The following SOAT1 variants were observed in gnomAD, a reference collection of about 807,000 sequenced individuals.
SOAT1 encodes acyl-coenzyme A:cholesterol acyltransferase 1.
Under a neutral mutation model 69.5 loss-of-function variants are expected in SOAT1, and 55 were observed. The ratio of observed to expected loss-of-function variants is 0.79; its 90% CI spans 0.64 to 0.99. The LOEUF is 0.99. Among genes scored for constraint, SOAT1 ranks in the 50% least tolerant of loss-of-function variants. SOAT1 has a pLI of 0.00. For synonymous variants in SOAT1, 231 were observed against 224.7 expected, an observed-to-expected ratio of 1.03 and a Z score of -0.25; for missense variants, 580 against 669.3, an observed-to-expected ratio of 0.87 and a Z score of 1.47.
rs1208621864 is a variant in SOAT1, at chr1:179,342,195, A to G, written c.859+3A>G. The G allele has an allele frequency of 1.2e-6, 2 of 1,608,512 alleles. No homozygotes were observed. Among genetic ancestry groups the G allele is most frequent in the South Asian group, 1.1e-5 (1 of 90,716 alleles). ...AAATTCAGCTAAGGAGAAATCAAGTATGTAATTTCTTTTGTTCATTATTTC... is the reference window on the plus strand; with the variant it reads ...AAATTCAGCTAAGGAGAAATCAAGTGTGTAATTTCTTTTGTTCATTATTTC... On this transcript the variant is annotated splice_donor_region_variant and intron_variant, in intron 8 of 15. Transcript: ENST00000367619.
rs1177159973 is a variant in SOAT1 at position 179,351,298 on chromosome 1, G to T, written c.1451-19G>T. 2 of 1,612,082 alleles carry T rather than the reference G, an allele frequency of 1.2e-6. No homozygotes were observed. On this transcript the variant is annotated intron_variant, in intron 14 of 15. Coordinates refer to ENST00000367619, the MANE Select transcript of SOAT1 (RefSeq NM_003101.6). Reference sequence around the variant, plus strand: ...ACCTCTGATAACTGTATATTTCTTTGTTGCCTTCCTATTTTTAGTGGCTTT... The same window carrying T: ...ACCTCTGATAACTGTATATTTCTTTTTTGCCTTCCTATTTTTAGTGGCTTT...
chr1:179,320,672 C>T (rs757034635), intron 2 of SOAT1, among the ~76,000 whole-genome samples: 6 of 152,120 alleles, frequency 3.9e-5, no homozygotes, highest in Non-Finnish European at 7.4e-5. Context: ...CCATTTTCTT[C>T]ATGGCACCTT....
In SOAT1 at chr1:179,337,738, T is replaced by A. The variant is rs539591274; in HGVS notation, c.330-99T>A. 5 of 776,424 alleles carry A rather than the reference T, an allele frequency of 6.4e-6. No homozygotes were observed. The South Asian group carries it at 9.8e-5, about 15-fold the overall frequency. 48.1% of individuals were successfully genotyped at this position (776,424 alleles called of 1,614,324 possible). On this transcript the variant is annotated intron_variant, in intron 4 of 15. Transcript: ENST00000367619. Reference sequence around the variant, plus strand: ...AGTGAAAAGGTCATTGGTCAATTAATGTTAGATGGTGTTATTGGTATATTC... The same window carrying A: ...AGTGAAAAGGTCATTGGTCAATTAAAGTTAGATGGTGTTATTGGTATATTC...
chr1:179,357,799 T>C lies in SOAT1; in HGVS notation c.*4158T>C, dbSNP rs1666955908. 6.6e-6 allele frequency: 1 copy of C among 152,110 alleles called. No homozygotes were observed. Among genetic ancestry groups the C allele is most frequent in the Non-Finnish European group, 1.5e-5 (1 of 68,068 alleles). 9.4% of individuals were successfully genotyped at this position (152,110 alleles called of 1,614,324 possible). On this transcript the variant is annotated 3_prime_UTR_variant, in exon 16 of 16. Transcript: ENST00000367619. ...GTCTCAGCTACTCAGTCGGCTGAGG[T>C]GGGAAGATGGCTTCAAGCCGGGAGA...
In SOAT1 at chr1:179,341,156, G is replaced by A; in HGVS notation, c.626G>A (p.Gly209Asp). ...PYFLFQHWAT[G>D]YSKSSHPLIR... ...TTTCTGTTTCAACATTGGGCCACTG[G>A]CTATAGCAAGAGTTCTCATCCGCTG... The change falls in exon 7 of 16, where the codon GGC becomes GAC. Residue 209 changes from glycine to aspartate, a missense_variant. Gly to Asp is a moderately conservative substitution (Grantham distance 94). Coordinates refer to ENST00000367619, the MANE Select transcript of SOAT1 (RefSeq NM_003101.6). 1 of 1,614,016 alleles carries A rather than the reference G, an allele frequency of 6.2e-7. No homozygotes were observed. The highest frequency in any genetic ancestry group is 8.5e-7 in the Non-Finnish European group (1 of 1,179,998).
At chr1:179,299,831 G>A (rs1664773848) in intron 1 of SOAT1, among the ~76,000 whole-genome samples, 1 of 128,994 alleles carries the variant, frequency 7.8e-6, no homozygotes, top group Non-Finnish European at 1.5e-5. Context: ...TCAGCTCACT[G>A]CAAGCTCCGC....
chr1:179,310,617 TC>T (rs1665190829), intron 2 of SOAT1, among the ~76,000 whole-genome samples: 1 of 152,208 alleles, frequency 6.6e-6, no homozygotes, highest in African/African-American at 2.4e-5. Flanking sequence ...CAAGAAATAC[TC>T]CTAAACCTAA....
At chr1:179,334,006 G>T (rs1329505949) in intron 3 of SOAT1, among the ~76,000 whole-genome samples, 2 of 152,228 alleles carry the variant, frequency 1.3e-5, no homozygotes, top group African/African-American at 4.8e-5. Flanking sequence ...TACCAAGGCT[G>T]CAGTTCCTTG....
chr1:179,312,247 T>A lies in SOAT1; in HGVS notation c.118+9445T>A, dbSNP rs1665242432. Among the ~76,000 whole-genome samples, 5 of 152,290 alleles carry A rather than the reference T, an allele frequency of 3.3e-5. No individual in the cohort carries two copies. In the South Asian group the frequency reaches 1.0e-3, roughly 32 times the overall value. On this transcript the variant is annotated intron_variant, in intron 2 of 15. Coordinates refer to ENST00000367619, the MANE Select transcript of SOAT1 (RefSeq NM_003101.6). ...TTTTCCTAACTTTTTCTGTAGCGCA[T>A]GGCAATTTGGAATCAGAAGGCAGAT...
rs534464370 is a variant in SOAT1 at position 179,342,007 on chromosome 1, C to G, written c.781-107C>G. 2.9e-5 allele frequency: 42 copies of G among 1,437,784 alleles called. No individual in the cohort carries two copies. The African/African-American group carries it at 5.8e-4, about 20-fold the overall frequency. The allele number at this position is 1,437,784 out of a possible 1,614,324, so 89.1% of individuals were successfully genotyped here. ...TATTTTAATTTGTTTATACACTTAT[C>G]AGGATTTTCTGACTTTACTGGCTAT... On this transcript the variant is annotated intron_variant, in intron 7 of 15. Transcript: ENST00000367619.
At chr1:179,315,472 A>T (rs1665360415) in intron 2 of SOAT1, among the ~76,000 whole-genome samples, 1 of 151,878 alleles carries the variant, frequency 6.6e-6, no homozygotes. Context: ...CCTGTCTTAA[A>T]AAAAAAAAAG....
chr1:179,337,443 C>G (rs1381660809), intron 4 of SOAT1, among the ~76,000 whole-genome samples: 3 of 152,028 alleles, frequency 2.0e-5, no homozygotes, highest in Non-Finnish European at 4.4e-5. Flanking sequence ...TGCTTAGAGG[C>G]CTGTTTATGA....
intron 15 of SOAT1, among the ~76,000 whole-genome samples, chr1:179,353,218 T>TATAAATATATATATTTATATATATAA (rs1220147274): frequency 8.3e-6 from 1 of 120,514 alleles, no homozygotes; most frequent in African/African-American, 3.1e-5. Flanking sequence ...AATATATATA[T>TATAAATATATATATTTATATATATAA]ATATATCTAT....
chr1:179,300,867 G>A (rs902586495), intron 1 of SOAT1, among the ~76,000 whole-genome samples: 4 of 151,960 alleles, frequency 2.6e-5, no homozygotes, highest in African/African-American at 9.7e-5. Flanking sequence ...AGGCTGAGGC[G>A]GGCGGATAAC....
At chr1:179,322,850 G>A (rs937968082) in intron 2 of SOAT1, among the ~76,000 whole-genome samples, 2 of 152,036 alleles carry the variant, frequency 1.3e-5, no homozygotes, top group African/African-American at 2.4e-5. Context: ...CTAGTTTTAC[G>A]TGGCAGTATC....
chr1:179,316,336 G>GTT (rs60012680), intron 2 of SOAT1, among the ~76,000 whole-genome samples: 57 of 149,100 alleles, frequency 3.8e-4, no homozygotes, highest in East Asian at 1.4e-3. Flanking sequence ...GGTGCTTTTA[G>GTT]TTTTTTTTTT....
chr1:179,341,015 C>G lies in SOAT1; in HGVS notation c.498-13C>G. ...TCACCTCTATGTTCTTTTTCTGTAC[C>G]TTTTCTCCCCAGGCTGGTGCTTGAG... On this transcript the variant is annotated splice_polypyrimidine_tract_variant and intron_variant, in intron 6 of 15. Coordinates refer to ENST00000367619, the MANE Select transcript of SOAT1 (RefSeq NM_003101.6). The G allele has an allele frequency of 1.2e-6, 2 of 1,610,024 alleles. No homozygotes were observed. Among genetic ancestry groups the G allele is most frequent in the Non-Finnish European group, 1.7e-6 (2 of 1,178,056 alleles).
chr1:179,323,401 C>T (rs1435129270), intron 2 of SOAT1, 36 bp from the exon 3 acceptor site: 2 of 1,565,970 alleles, frequency 1.3e-6, no homozygotes, highest in East Asian at 4.5e-5. Flanking sequence ...TAGCTGTATC[C>T]ATCAACTTAA....
chr1:179,305,445 A>G lies in SOAT1; in HGVS notation c.118+2643A>G, dbSNP rs116645952. ...TTTTTTTGTGGCTGAATAATATTTCATTGTATAGGTATGATACAGTTTGCT... is the reference window on the plus strand; with the variant it reads ...TTTTTTTGTGGCTGAATAATATTTCGTTGTATAGGTATGATACAGTTTGCT... On this transcript the variant is annotated intron_variant, in intron 2 of 15. Coordinates refer to ENST00000367619, the MANE Select transcript of SOAT1 (RefSeq NM_003101.6). 6.9e-3 allele frequency among the ~76,000 whole-genome samples: 1,044 copies of G among 151,390 alleles called. 17 individuals carry two copies. The highest frequency in any genetic ancestry group is 0.024 in the African/African-American group (999 of 41,222).
Sources: allele counts gnomAD v4.1 joint callset (sites outside exome capture counted in the v4.1 genomes callset), GRCh38; gene constraint gnomAD v4.1.1; transcripts MANE v1.5; gene names NCBI Gene and HGNC (gene_info 2026-07-23, HGNC 2026-07-21).